The following PSMF1 variants were observed in gnomAD, a reference collection of about 807,000 sequenced individuals.
The protein encoded by PSMF1 is proteasome inhibitor PI31 subunit.
Under a neutral mutation model 29.3 loss-of-function variants are expected in PSMF1, and 30 were observed. The ratio of observed to expected loss-of-function variants is 1.02; its 90% CI spans 0.77 to 1.39. The LOEUF (loss-of-function observed/expected upper bound fraction) is 1.39. Ranked by LOEUF, PSMF1 falls within the 40% of genes most tolerant of loss-of-function variation. PSMF1 has a pLI of 0.00. For missense variants in PSMF1, 344 were observed against 357.5 expected (o/e 0.96, Z 0.31); for synonymous variants, 134 against 139.7 (o/e 0.96, Z 0.29).
chr20:1,122,090 A>G (rs1193277642), intron 1 of PSMF1, among the ~76,000 whole-genome samples: 5 of 152,174 alleles, frequency 3.3e-5, no homozygotes, highest in African/African-American at 1.2e-4. Context: ...TTCCAGTGCC[A>G]GGATTTTGCC....
chr20:1,128,874 G>GT (rs902687588), intron 3 of PSMF1, among the ~76,000 whole-genome samples: 2 of 151,284 alleles, frequency 1.3e-5, no homozygotes, highest in Non-Finnish European at 3.0e-5. Context: ...TAATTTTTGC[G>GT]TTTTTTTGTT....
At chr20:1,134,766 A>AT in intron 3 of PSMF1, 1 of 353,920 alleles carries the variant, frequency 2.8e-6, no homozygotes, top group South Asian at 2.3e-5. Context: ...GACCCTTCCC[A>AT]TGACACGTGA....
intron 3 of PSMF1, among the ~76,000 whole-genome samples, chr20:1,129,482 C>T (rs933013346): frequency 1.3e-5 from 2 of 152,232 alleles, no homozygotes; most frequent in African/African-American, 4.8e-5. Flanking sequence ...ATTTCTCCTC[C>T]CCTCTTCCAT....
In PSMF1 at chr20:1,167,348, C is replaced by G. The variant is rs547337212; in HGVS notation, c.*2268C>G. 2.7e-5 allele frequency: 4 copies of G among 149,244 alleles called. No individual in the cohort carries two copies. The highest frequency in any genetic ancestry group is 1.0e-4 in the African/African-American group (4 of 38,660). 9.2% of individuals were successfully genotyped at this position (149,244 alleles called of 1,614,324 possible). On this transcript the variant is annotated 3_prime_UTR_variant, in exon 7 of 7. Transcript: ENST00000335877. The stretch of plus-strand genomic sequence containing the variant: ...CTGTTCCTCCTTTTTTAAATAGCAG[C>G]TTTATTGAGATATAATTTACATACC...
intron 3 of PSMF1, among the ~76,000 whole-genome samples, chr20:1,133,569 A>ATATATATATATATATTTTTTTTTTTTTTT: frequency 3.8e-5 from 2 of 53,304 alleles, no homozygotes; most frequent in East Asian, 3.1e-4. Context: ...ATATATATAT[A>ATATATATATATATATTTTTTTTTTTTTTT]TTTTTTTTTT....
At position 1,165,615 on chromosome 20, in the gene PSMF1, G is replaced by A; in HGVS notation, c.*535G>A. 2.0e-6 allele frequency: 2 copies of A among 994,772 alleles called. No homozygotes were observed. Among genetic ancestry groups the A allele is most frequent in the South Asian group, 4.5e-5 (1 of 22,268 alleles). 61.6% of individuals were successfully genotyped at this position (994,772 alleles called of 1,614,324 possible). On this transcript the variant is annotated 3_prime_UTR_variant, in exon 7 of 7. Coordinates refer to ENST00000335877, the MANE Select transcript of PSMF1 (RefSeq NM_006814.5). ...CTCAGGCACCTTCCGTTTATTAATT[G>A]CCATTGCTCCTGACATCACTAAGAT...
At chr20:1,151,707 G>A (rs1303172068) in intron 4 of PSMF1, among the ~76,000 whole-genome samples, 1 of 152,196 alleles carries the variant, frequency 6.6e-6, no homozygotes, top group Non-Finnish European at 1.5e-5. Context: ...AACAATGGTA[G>A]AAGTATGTCT....
chr20:1,113,572 C>T (rs1241365023), intron 1 of PSMF1, among the ~76,000 whole-genome samples: 1 of 151,944 alleles, frequency 6.6e-6, no homozygotes, highest in East Asian at 1.9e-4. Flanking sequence ...TAGTCCTGGC[C>T]TTCAGGGGAT....
At chr20:1,123,549 A>C (rs911263957) in intron 1 of PSMF1, among the ~76,000 whole-genome samples, 1 of 152,130 alleles carries the variant, frequency 6.6e-6, no homozygotes, top group Non-Finnish European at 1.5e-5. Flanking sequence ...TTTCTTTTAT[A>C]TATAATACTA....
intron 4 of PSMF1, among the ~76,000 whole-genome samples, chr20:1,143,616 T>A (rs755742684): frequency 6.6e-6 from 1 of 152,202 alleles, no homozygotes; most frequent in Non-Finnish European, 1.5e-5. Context: ...TTTAAAAAGA[T>A]GCTAAATTGG....
chr20:1,113,715 C>T (rs1217803734), upstream of PSMF1, among the ~76,000 whole-genome samples: 5 of 151,784 alleles, frequency 3.3e-5, no homozygotes, highest in African/African-American at 9.7e-5. Flanking sequence ...TTTTTTGAGA[C>T]GGCGTCTCGC....
At chr20:1,117,336 T>TTA (rs893743414), upstream of PSMF1, among the ~76,000 whole-genome samples, 4 of 151,614 alleles carry the variant, frequency 2.6e-5, no homozygotes, top group African/African-American at 9.7e-5. Flanking sequence ...GACTTTTCTT[T>TTA]TTTTTTTTTT....
At position 1,166,146 on chromosome 20, in the gene PSMF1, T is replaced by C; in HGVS notation, c.*1066T>C. ...GCATGGGCTGCCTCTGAGTGTGGTG[T>C]TGAACTTCGGGAGGAGCAGGGAGCC... On this transcript the variant is annotated 3_prime_UTR_variant, in exon 7 of 7. Transcript: ENST00000335877. The C allele has an allele frequency of 2.5e-6, 4 of 1,580,284 alleles. No individual in the cohort carries two copies. The highest frequency in any genetic ancestry group is 1.2e-5 in the South Asian group (1 of 86,348).
At chr20:1,129,866 T>C (rs929023616) in intron 3 of PSMF1, among the ~76,000 whole-genome samples, 4 of 152,204 alleles carry the variant, frequency 2.6e-5, no homozygotes, top group Non-Finnish European at 4.4e-5. Flanking sequence ...AAGATATTTG[T>C]ACACCCATGT....
rs145879723 is a variant in PSMF1 at position 1,135,284 on chromosome 20, C to A, written c.529C>A (p.His177Asn). The change falls in exon 4 of 7, where the codon CAC becomes AAC. Residue 177 changes from histidine (H) to asparagine (N), a missense_variant. His to Asn is a moderately conservative substitution (Grantham distance 68). Coordinates refer to ENST00000335877, the MANE Select transcript of PSMF1 (RefSeq NM_006814.5). The part of the protein sequence containing the change: ...DPLRIPPHHP[H>N]TSRQPPWCDP... The stretch of plus-strand genomic sequence containing the variant: ...ACTCCGGATTCCTCCACACCACCCA[C>A]ACACCAGTCGGCAGCCTCCCTGGTG... 1.9e-6 allele frequency: 3 copies of A among 1,613,188 alleles called. No homozygotes were observed. The African/African-American group carries it at 4.0e-5, about 22-fold the overall frequency.
At chr20:1,160,525 G>A in intron 4 of PSMF1, 1 of 380,334 alleles carries the variant, frequency 2.6e-6, no homozygotes. Flanking sequence ...ACTCACTACT[G>A]CTGGCCTGTG....
intron 4 of PSMF1, among the ~76,000 whole-genome samples, chr20:1,138,518 C>CAAAAAAA (rs34220986): frequency 1.0e-5 from 1 of 97,792 alleles, no homozygotes; most frequent in Non-Finnish European, 2.1e-5. Context: ...GACTGCATCT[C>CAAAAAAA]AAAAAAAAAA....
upstream of PSMF1, among the ~76,000 whole-genome samples, chr20:1,117,609 G>T (rs1446443217): frequency 2.6e-5 from 4 of 152,186 alleles, no homozygotes; most frequent in African/African-American, 9.7e-5. Context: ...CTCACAAAGT[G>T]CTGGGATTAC....
chr20:1,125,999 C>T lies in PSMF1; in HGVS notation c.282+349C>T, dbSNP rs1439094088. The T allele has an allele frequency of 1.5e-5, 7 of 465,864 alleles. No homozygotes were observed. In the Admixed American group the frequency reaches 1.6e-4, roughly 11 times the overall value. The allele number at this position is 465,864 out of a possible 1,614,324, so 28.9% of individuals were successfully genotyped here. On this transcript the variant is annotated intron_variant, in intron 2 of 6. Coordinates refer to ENST00000335877, the MANE Select transcript of PSMF1 (RefSeq NM_006814.5). The stretch of plus-strand genomic sequence containing the variant: ...ATTCTTTGCTGCCTTGGAGCCCTTG[C>T]ACTTTACATTTCCTATGCTGGAAGG...
Sources: gnomAD v4.1 joint callset for allele counts (sites outside exome capture counted in the v4.1 genomes callset) on GRCh38, gnomAD v4.1.1 for gene constraint, MANE v1.5 for transcripts, NCBI Gene and HGNC (gene_info 2026-07-23, HGNC 2026-07-21) for gene names.